The following ADIPOR2 variants were observed in gnomAD, a reference collection of about 807,000 sequenced individuals.
ADIPOR2 encodes adiponectin receptor 2.
Under a neutral mutation model 40.9 loss-of-function variants are expected in ADIPOR2, and 18 were observed. The observed-to-expected ratio is 0.44, with a 90% CI of 0.30 to 0.65. ADIPOR2 has a LOEUF of 0.65. Among genes scored for constraint, ADIPOR2 ranks in the 30% least tolerant of loss-of-function variants. The probability of loss-of-function intolerance (pLI) is 0.09; values close to 1 mark genes in which losing one functional copy is unlikely to be tolerated. For synonymous variants in ADIPOR2, 165 were observed against 166.4 expected, an observed-to-expected ratio of 0.99 and a Z score of 0.06; for missense variants, 283 against 479.2, an observed-to-expected ratio of 0.59 and a Z score of 3.82.
chr12:1,751,943 G>A (rs2094770187), intron 1 of ADIPOR2, among the ~76,000 whole-genome samples: 1 of 150,622 alleles, frequency 6.6e-6, no homozygotes, highest in South Asian at 2.1e-4. Context: ...TTTTGAGATG[G>A]AGTTGCCAGG....
intron 1 of ADIPOR2, among the ~76,000 whole-genome samples, chr12:1,698,868 TAA>T (rs71055180): frequency 8.0e-4 from 122 of 151,734 alleles, no homozygotes; most frequent in Admixed American, 4.6e-4. Flanking sequence ...CATTACAAAT[TAA>T]AAAAAAAAAT....
rs117958794 is a variant in ADIPOR2, at chr12:1,711,956, C to G, written c.-87+20765C>G. 3.8e-3 allele frequency among the ~76,000 whole-genome samples: 574 copies of G among 152,254 alleles called. 1 individual carries two copies. Among genetic ancestry groups the G allele is most frequent in the Non-Finnish European group, 5.6e-3 (378 of 68,020 alleles). On this transcript the variant is annotated intron_variant, in intron 1 of 7. Transcript: ENST00000357103. ...AGGATTAGATAAGCATACTTGTTAT[C>G]TATACACATTTATTCTTTTTCCCTT...
chr12:1,758,085 G>A (rs1862182845), intron 2 of ADIPOR2: 1 of 570,710 alleles, frequency 1.8e-6, no homozygotes, highest in Non-Finnish European at 3.1e-6. Context: ...TTTTGTGTCA[G>A]ATTTACATTA....
chr12:1,709,828 C>T (rs559926188), intron 1 of ADIPOR2, among the ~76,000 whole-genome samples: 2 of 152,198 alleles, frequency 1.3e-5, no homozygotes, highest in South Asian at 4.1e-4. Flanking sequence ...TACATTTTGG[C>T]CTACAAGAAT....
chr12:1,769,135 A>C (rs904525474), intron 2 of ADIPOR2, among the ~76,000 whole-genome samples: 20 of 152,200 alleles, frequency 1.3e-4, no homozygotes, highest in African/African-American at 4.8e-4. Flanking sequence ...TGGAAATTAG[A>C]AATAGTAATT....
At chr12:1,694,707 T>C (rs2094634382) in intron 1 of ADIPOR2, among the ~76,000 whole-genome samples, 1 of 152,222 alleles carries the variant, frequency 6.6e-6, no homozygotes. Context: ...CCTTTGTAGA[T>C]AACCAGGGGC....
chr12:1,693,520 CTTT>C (rs35175001), intron 1 of ADIPOR2, among the ~76,000 whole-genome samples: 2 of 140,198 alleles, frequency 1.4e-5, no homozygotes, highest in Non-Finnish European at 1.5e-5. Flanking sequence ...TTGTAATCTG[CTTT>C]TTTTTTTTTT....
chr12:1,701,894 G>C (rs945258454), intron 1 of ADIPOR2, among the ~76,000 whole-genome samples: 9 of 152,168 alleles, frequency 5.9e-5, no homozygotes, highest in Admixed American at 2.0e-4. Context: ...GGCTGAGGTG[G>C]GCGGATCACC....
intron 6 of ADIPOR2, among the ~76,000 whole-genome samples, chr12:1,781,513 AC>A (rs971099498): frequency 2.6e-5 from 4 of 152,044 alleles, no homozygotes; most frequent in Non-Finnish European, 5.9e-5. Flanking sequence ...TTAAGGCTTC[AC>A]CCCCATGCTG....
chr12:1,739,280 T>TA (rs2094737670), intron 1 of ADIPOR2, among the ~76,000 whole-genome samples: 1 of 152,196 alleles, frequency 6.6e-6, no homozygotes. Context: ...TCAAGGTCAT[T>TA]ATAGTAGTAG....
chr12:1,751,912 T>A (rs933352950), intron 1 of ADIPOR2, among the ~76,000 whole-genome samples: 4 of 150,752 alleles, frequency 2.7e-5, no homozygotes, highest in Non-Finnish European at 5.9e-5. Context: ...TTTTCTTTTC[T>A]TTTCTTTCTT....
intron 1 of ADIPOR2, among the ~76,000 whole-genome samples, chr12:1,720,485 T>C (rs1336056725): frequency 6.6e-6 from 1 of 152,200 alleles, no homozygotes; most frequent in Non-Finnish European, 1.5e-5. Flanking sequence ...AGCCCTGAGC[T>C]TGTTCTTTCA....
chr12:1,726,668 CT>C (rs35978313), intron 1 of ADIPOR2, among the ~76,000 whole-genome samples: 21,871 of 150,138 alleles, frequency 0.15, 1,699 homozygotes, highest in Admixed American at 0.24. Flanking sequence ...CTTTGTACAG[CT>C]TTTTTTTTTA....
At chr12:1,751,924 CTTT>C (rs59026188) in intron 1 of ADIPOR2, among the ~76,000 whole-genome samples, 2 of 144,106 alleles carry the variant, frequency 1.4e-5, no homozygotes. Context: ...TTCTTTCTTT[CTTT>C]TTTTTTTTTG....
At position 1,778,036 on chromosome 12, in the gene ADIPOR2, T is replaced by G. The variant is rs1170339144; in HGVS notation, c.463+11T>G. 1 of 1,608,514 alleles carries G rather than the reference T, an allele frequency of 6.2e-7. No individual in the cohort carries two copies. Among genetic ancestry groups the G allele is most frequent in the Non-Finnish European group, 8.5e-7 (1 of 1,177,456 alleles). On this transcript the variant is annotated intron_variant, in intron 4 of 7. Transcript: ENST00000357103. ...GGACACATCTCTTAGGTATGTAATGTCAGTGATGTAATGAGCTGGTGATTC... is the reference window on the plus strand; with the variant it reads ...GGACACATCTCTTAGGTATGTAATGGCAGTGATGTAATGAGCTGGTGATTC...
intron 1 of ADIPOR2, among the ~76,000 whole-genome samples, chr12:1,716,461 G>C (rs2094687789): frequency 6.6e-6 from 1 of 152,138 alleles, no homozygotes; most frequent in Non-Finnish European, 1.5e-5. Flanking sequence ...ATAATGTTTG[G>C]ATTTAACCTT....
chr12:1,759,081 A>T (rs749380015), intron 2 of ADIPOR2, among the ~76,000 whole-genome samples: 2 of 29,584 alleles, frequency 6.8e-5, no homozygotes, highest in Admixed American at 5.4e-4. Flanking sequence ...TCAGTCCCTG[A>T]GTTGTTTATA....
chr12:1,772,061 C>T (rs1177666370), intron 2 of ADIPOR2, among the ~76,000 whole-genome samples: 1 of 152,242 alleles, frequency 6.6e-6, no homozygotes, highest in African/African-American at 2.4e-5. Flanking sequence ...TGCCCTTCTT[C>T]TCACAATATC....
At chr12:1,784,298 C>T (rs988074665) in intron 7 of ADIPOR2, among the ~76,000 whole-genome samples, 1 of 152,214 alleles carries the variant, frequency 6.6e-6, no homozygotes, top group Admixed American at 6.5e-5. Context: ...CACGGATTAC[C>T]TCATTACATA....
Sources: gnomAD v4.1 joint callset for allele counts (sites outside exome capture counted in the v4.1 genomes callset) on GRCh38, gnomAD v4.1.1 for gene constraint, MANE v1.5 for transcripts, NCBI Gene and HGNC (gene_info 2026-07-23, HGNC 2026-07-21) for gene names.